ANO3: variants seen among roughly 807,000 people sequenced by gnomAD.
ANO3 encodes the protein anoctamin 3.
In ANO3, 99 loss-of-function variants were observed where a neutral mutation model predicts 144.8. The observed-to-expected ratio is 0.68, with a 90% confidence interval of 0.58 to 0.81. The LOEUF (loss-of-function observed/expected upper bound fraction) is 0.81, where lower values mean the gene tolerates loss of function less well. Ranked by LOEUF, ANO3 falls within the 30% of genes least tolerant of loss-of-function variation. The pLI is 0.00. For missense variants in ANO3, 905 were observed against 1,202.2 expected (o/e 0.75, Z 3.66); for synonymous variants, 414 against 392.6 (o/e 1.05, Z -0.64).
rs766040274 is a variant in ANO3 at position 26,516,954 on chromosome 11, T to C, written c.692+27T>C. On this transcript the variant is annotated intron_variant, in intron 6 of 26. Coordinates refer to ENST00000256737, the MANE Select transcript of ANO3 (RefSeq NM_031418.4). The stretch of plus-strand genomic sequence containing the variant: ...TACTTTCAAATTTTACTTTATTTTA[T>C]CTCAATATATATTAAAATGAGTCTA... 8.8e-6 allele frequency: 12 copies of C among 1,359,794 alleles called. No individual in the cohort carries two copies. The African/African-American group carries it at 1.5e-4, about 16-fold the overall frequency. 84.2% of individuals were successfully genotyped at this position (1,359,794 alleles called of 1,614,324 possible). A position where few individuals can be genotyped will look rare whatever the true frequency, so the allele number is the denominator to read the frequency against.
At chr11:26,644,983 A>G (rs1853298265) in intron 23 of ANO3, among the ~76,000 whole-genome samples, 1 of 152,096 alleles carries the variant, frequency 6.6e-6, no homozygotes, top group Admixed American at 6.6e-5. Flanking sequence ...AATCCAATTG[A>G]CATATATCTC....
intron 7 of ANO3, among the ~76,000 whole-genome samples, chr11:26,527,499 A>G (rs1030840426): frequency 6.6e-6 from 1 of 152,110 alleles, no homozygotes; most frequent in African/African-American, 2.4e-5. Flanking sequence ...AAAATTATAT[A>G]ACATTAAACT....
chr11:26,363,317 A>C (rs1008386684), intron 1 of ANO3, among the ~76,000 whole-genome samples: 2 of 152,224 alleles, frequency 1.3e-5, no homozygotes, highest in African/African-American at 4.8e-5. Flanking sequence ...TAGAGATGCC[A>C]TAACAAAATA....
At chr11:26,436,955 C>T (rs1340631653) in intron 1 of ANO3, among the ~76,000 whole-genome samples, 1 of 151,844 alleles carries the variant, frequency 6.6e-6, no homozygotes, top group African/African-American at 2.4e-5. Context: ...AGCTTCAGTC[C>T]CTAATCACCT....
In ANO3 at chr11:26,582,686, T is replaced by G. The variant is rs954503439; in HGVS notation, c.1448-15679T>G. ...AATTTTAATAGTAGCTGTTTATTCA[T>G]GGTGGGATTGTTAGTGACTTTTATT... is the stretch of plus-strand genomic sequence containing the variant. On this transcript the variant is annotated intron_variant, in intron 14 of 26. Coordinates refer to ENST00000256737, the MANE Select transcript of ANO3 (RefSeq NM_031418.4). Among the ~76,000 whole-genome samples the G allele has an allele frequency of 3.9e-5, 6 of 152,168 alleles. No individual in the cohort carries two copies. The South Asian group carries it at 1.2e-3, about 31-fold the overall frequency.
At chr11:26,389,495 AAT>A (rs145764733) in intron 1 of ANO3, among the ~76,000 whole-genome samples, 51 of 151,942 alleles carry the variant, frequency 3.4e-4, no homozygotes, top group South Asian at 2.9e-3. Context: ...GCACAATATA[AAT>A]ATATATATAT....
chr11:26,635,259 T>G (rs532043103), intron 20 of ANO3, among the ~76,000 whole-genome samples, 189 bp downstream of exon 20: 1 of 152,186 alleles, frequency 6.6e-6, no homozygotes, highest in Non-Finnish European at 1.5e-5. Flanking sequence ...AACCCCAAGA[T>G]TCTCACCTCA....
chr11:26,191,417 T>C (rs1851476020), intron 1 of ANO3, among the ~76,000 whole-genome samples: 1 of 151,998 alleles, frequency 6.6e-6, no homozygotes, highest in African/African-American at 2.4e-5. Context: ...ACCGCTCTCT[T>C]CATTTCCCTC....
At chr11:26,582,634 A>G (rs1851164524) in intron 14 of ANO3, among the ~76,000 whole-genome samples, 1 of 152,226 alleles carries the variant, frequency 6.6e-6, no homozygotes. Context: ...ACTGCTCAAG[A>G]AAACATACTT....
At chr11:26,220,091 T>C (rs1276197862) in intron 1 of ANO3, among the ~76,000 whole-genome samples, 3 of 152,190 alleles carry the variant, frequency 2.0e-5, no homozygotes, top group Non-Finnish European at 4.4e-5. Flanking sequence ...GCTAAGGTAA[T>C]CTATGGTCCT....
chr11:26,531,374 A>G, intron 8 of ANO3, 38 bp downstream of exon 8: 1 of 1,574,578 alleles, frequency 6.4e-7, no homozygotes, highest in Non-Finnish European at 8.6e-7. Context: ...CTACCTTTAT[A>G]TCTTGGTGGG....
At chr11:26,504,609 A>C (rs1231052783) in intron 4 of ANO3, among the ~76,000 whole-genome samples, 1 of 150,776 alleles carries the variant, frequency 6.6e-6, no homozygotes, top group African/African-American at 2.5e-5. Context: ...ATCAAGAGTG[A>C]GGAGTAACTT....
chr11:26,651,744 A>G (rs1259692568), intron 24 of ANO3, among the ~76,000 whole-genome samples: 1 of 152,214 alleles, frequency 6.6e-6, no homozygotes, highest in African/African-American at 2.4e-5. Context: ...CAGATCCTCA[A>G]TAATTTTTCT....
chr11:26,572,328 G>T (rs943827314), intron 14 of ANO3: 1 of 794,176 alleles, frequency 1.3e-6, no homozygotes, highest in Non-Finnish European at 1.5e-6. Context: ...GTTTTCATAG[G>T]TTGATCGTTT....
intron 1 of ANO3, among the ~76,000 whole-genome samples, chr11:26,399,297 G>A (rs1379791377): frequency 2.6e-5 from 4 of 151,846 alleles, no homozygotes; most frequent in African/African-American, 7.2e-5. Flanking sequence ...ACAGGACCAC[G>A]GGGAAGGATG....
At chr11:26,440,608 C>A (rs902687631) in intron 1 of ANO3, among the ~76,000 whole-genome samples, 7 of 151,996 alleles carry the variant, frequency 4.6e-5, no homozygotes, top group Non-Finnish European at 8.8e-5. Flanking sequence ...GATATCTACT[C>A]CACCTCAAGT....
In ANO3 at chr11:26,571,467, A is replaced by G. The variant is rs991618398; in HGVS notation, c.1447+11688A>G. Among the ~76,000 whole-genome samples, 3 of 152,128 alleles carry G rather than the reference A, an allele frequency of 2.0e-5. No homozygotes were observed. The South Asian group carries it at 6.2e-4, about 31-fold the overall frequency. On this transcript the variant is annotated intron_variant, in intron 14 of 26. Transcript: ENST00000256737. ...TGAAAGTTAGACATGTACACATATCATGCTAAATAATTATATGTACTGTAC... is the reference window on the plus strand; with the variant it reads ...TGAAAGTTAGACATGTACACATATCGTGCTAAATAATTATATGTACTGTAC...
At chr11:26,311,726 A>T (rs949304294) in intron 1 of ANO3, among the ~76,000 whole-genome samples, 1 of 152,120 alleles carries the variant, frequency 6.6e-6, no homozygotes, top group Non-Finnish European at 1.5e-5. Flanking sequence ...TATCTCCTGT[A>T]CTCTGATATG....
rs188179026 is a variant in ANO3 at position 26,567,817 on chromosome 11, T to G, written c.1447+8038T>G. On this transcript the variant is annotated intron_variant, in intron 14 of 26. Coordinates refer to ENST00000256737, the MANE Select transcript of ANO3 (RefSeq NM_031418.4). Reference sequence around the variant, plus strand: ...GATAATAAACTGTGGTATATTCAGATAGTGAAAATTGACAGGCTAGAGCTG... The same window carrying G: ...GATAATAAACTGTGGTATATTCAGAGAGTGAAAATTGACAGGCTAGAGCTG... Among the ~76,000 whole-genome samples the G allele has an allele frequency of 1.3e-4, 20 of 152,094 alleles. 1 individual carries two copies. The highest frequency in any genetic ancestry group is 5.9e-4 in the Admixed American group (9 of 15,238).
Sources: allele counts gnomAD v4.1 joint callset (sites outside exome capture counted in the v4.1 genomes callset), GRCh38; gene constraint gnomAD v4.1.1; transcripts MANE v1.5; gene names NCBI Gene and HGNC (gene_info 2026-07-23, HGNC 2026-07-21).